PRRC2B: variants seen among roughly 807,000 people sequenced by gnomAD.
PRRC2B encodes protein PRRC2B.
In PRRC2B, 68 loss-of-function variants were observed where a neutral mutation model predicts 242.3. That is an observed-to-expected ratio of 0.28 (90% CI 0.23 to 0.34). PRRC2B has a LOEUF of 0.34. PRRC2B is among the 10% of genes least tolerant of loss of function. The probability of loss-of-function intolerance (pLI) is 1.00; values close to 1 mark genes in which losing one functional copy is unlikely to be tolerated. For synonymous variants in PRRC2B, 1,228 were observed against 1,173.6 expected (o/e 1.05, Z -0.95); for missense variants, 2,835 against 2,954.8 (o/e 0.96, Z 0.94).
chr9:131,491,813 C>T (rs1033501251), intron 29 of PRRC2B, among the ~76,000 whole-genome samples: 1 of 152,220 alleles, frequency 6.6e-6, no homozygotes, highest in Non-Finnish European at 1.5e-5. Flanking sequence ...CCAGGAGGCC[C>T]TGCTATGGAC....
At chr9:131,461,666 C>T (rs1303747913) in intron 11 of PRRC2B, among the ~76,000 whole-genome samples, 1 of 152,142 alleles carries the variant, frequency 6.6e-6, no homozygotes, top group Non-Finnish European at 1.5e-5. Context: ...CTCAGCCTCC[C>T]GAGTAGCGGG....
intron 1 of PRRC2B, among the ~76,000 whole-genome samples, chr9:131,375,746 C>T (rs555552283): frequency 3.6e-4 from 55 of 152,114 alleles, no homozygotes; most frequent in African/African-American, 1.2e-3. Context: ...GGATGAAATT[C>T]GGCTGGGCGC....
At chr9:131,429,288 AGT>A (rs1491057167) in intron 1 of PRRC2B, among the ~76,000 whole-genome samples, 1 of 152,190 alleles carries the variant, frequency 6.6e-6, no homozygotes, top group Non-Finnish European at 1.5e-5. Flanking sequence ...TGAGTGAGTG[AGT>A]GAGTGAACTG....
At chr9:131,389,983 C>T (rs1350490804), upstream of PRRC2B, among the ~76,000 whole-genome samples, 7 of 124,442 alleles carry the variant, frequency 5.6e-5, no homozygotes, top group South Asian at 2.8e-4. Flanking sequence ...AGTGCAGTGG[C>T]GATCTTGGCT....
intron 5 of PRRC2B, among the ~76,000 whole-genome samples, chr9:131,441,162 G>A (rs1458520332): frequency 1.3e-5 from 2 of 152,154 alleles, no homozygotes; most frequent in African/African-American, 2.4e-5. Context: ...TGTTGTATAT[G>A]CATGTTTTAA....
At chr9:131,420,497 T>TCTCTCTTTCTCTC (rs72209206) in intron 1 of PRRC2B, among the ~76,000 whole-genome samples, 1 of 16,460 alleles carries the variant, frequency 6.1e-5, no homozygotes, top group Non-Finnish European at 1.5e-4. Flanking sequence ...TTCTTTCTTT[T>TCTCTCTTTCTCTC]TTTTTTTTTT....
At chr9:131,378,006 T>A (rs763071672) in intron 1 of PRRC2B, among the ~76,000 whole-genome samples, 2 of 152,168 alleles carry the variant, frequency 1.3e-5, no homozygotes, top group Non-Finnish European at 1.5e-5. Context: ...TCTTCCTACC[T>A]TGGCCTTTCA....
At chr9:131,429,973 C>T (rs994715672) in intron 1 of PRRC2B, 121 bp from the exon 2 acceptor site, 2 of 602,136 alleles carry the variant, frequency 3.3e-6, no homozygotes, top group African/African-American at 3.7e-5. Context: ...ATCTTCAGAT[C>T]TTCAAGGAGA....
chr9:131,446,732 C>A lies in PRRC2B; in HGVS notation c.855+90C>A. ...AGTGGTTGAATGTCCCCCTTGGGGT[C>A]TCCTCTTGGCCCTGTTACCCTACTT... On this transcript the variant is annotated intron_variant, in intron 7 of 31. Coordinates refer to ENST00000683519, the MANE Select transcript of PRRC2B (RefSeq NM_013318.4). This position sits in a 1 kb window ranked among gnomAD's most constrained non-coding sequence, Gnocchi z 4.1. 1.4e-6 allele frequency: 2 copies of A among 1,439,530 alleles called. No individual in the cohort carries two copies. The highest frequency in any genetic ancestry group is 1.9e-6 in the Non-Finnish European group (2 of 1,050,122). The allele number at this position is 1,439,530 out of a possible 1,614,324, so 89.2% of individuals were successfully genotyped here.
At chr9:131,480,452 G>GC (rs1284766994) in intron 19 of PRRC2B, among the ~76,000 whole-genome samples, 1 of 151,934 alleles carries the variant, frequency 6.6e-6, no homozygotes, top group East Asian at 1.9e-4. Context: ...GATTGGTTGA[G>GC]CTGCCAGGTG....
Position 131,496,038 on chromosome 9 carries a change from G to C in PRRC2B, c.*164G>C. 1.1e-6 allele frequency: 1 copy of C among 950,128 alleles called. No homozygotes were observed. 58.9% of individuals were successfully genotyped at this position (950,128 alleles called of 1,614,324 possible). ...CTCCCGAAAGCTCCGTTGTCAACCA[G>C]CTTGCACCCGTGGATATATGGCATT... On this transcript the variant is annotated 3_prime_UTR_variant, in exon 32 of 32. Transcript: ENST00000683519.
chr9:131,464,973 G>T lies in PRRC2B; in HGVS notation c.1615G>T (p.Ala539Ser). Residue 539 changes from alanine (A) to serine (S), a missense_variant, in exon 12 of 32, where the codon GCA becomes TCA. Coordinates refer to ENST00000683519, the MANE Select transcript of PRRC2B (RefSeq NM_013318.4). ...LKQLDQKCKQ[A>S]RKAGEARKQA... ...GCAGCTGGACCAGAAGTGTAAGCAGGCACGAAAGGCAGGTGAGGCCCGGAA... is the reference window on the plus strand; with the variant it reads ...GCAGCTGGACCAGAAGTGTAAGCAGTCACGAAAGGCAGGTGAGGCCCGGAA... 6.2e-7 allele frequency: 1 copy of T among 1,614,002 alleles called. No individual in the cohort carries two copies. Among genetic ancestry groups the T allele is most frequent in the East Asian group, 2.2e-5 (1 of 44,878 alleles).
intron 28 of PRRC2B, among the ~76,000 whole-genome samples, chr9:131,489,312 G>A (rs1325091762): frequency 2.0e-5 from 3 of 150,624 alleles, no homozygotes; most frequent in Non-Finnish European, 1.5e-5. Flanking sequence ...TCAGCCTCCC[G>A]AGTAGCTGGG....
intron 14 of PRRC2B, among the ~76,000 whole-genome samples, chr9:131,471,965 A>G (rs1385785486): frequency 6.6e-6 from 1 of 152,174 alleles, no homozygotes; most frequent in African/African-American, 2.4e-5. Flanking sequence ...GGATTTGTCA[A>G]ATCTTCTTTG....
chr9:131,412,107 T>G (rs9645007), intron 1 of PRRC2B, among the ~76,000 whole-genome samples: 41,012 of 152,156 alleles, frequency 0.27, 7,062 homozygotes, highest in East Asian at 0.6. Context: ...GTACCTGGCC[T>G]GAATTTTTCT....
At position 131,495,946 on chromosome 9, in the gene PRRC2B, C is replaced by A; in HGVS notation, c.*72C>A. 1.3e-6 allele frequency: 2 copies of A among 1,562,446 alleles called. No individual in the cohort carries two copies. Among genetic ancestry groups the A allele is most frequent in the Non-Finnish European group, 1.7e-6 (2 of 1,149,482 alleles). On this transcript the variant is annotated 3_prime_UTR_variant, in exon 32 of 32. Transcript: ENST00000683519. ...CCATGCGGCCTCGACACAGCCGACACTCGGGAGCCTCACCAGATCCACCGT... is the reference window on the plus strand; with the variant it reads ...CCATGCGGCCTCGACACAGCCGACAATCGGGAGCCTCACCAGATCCACCGT...
chr9:131,471,967 T>C (rs1478147224), intron 14 of PRRC2B, among the ~76,000 whole-genome samples: 1 of 152,242 alleles, frequency 6.6e-6, no homozygotes, highest in African/African-American at 2.4e-5. Context: ...ATTTGTCAAA[T>C]CTTCTTTGGG....
rs1943769409 is a variant in PRRC2B, at chr9:131,478,546, T to C, written c.4685T>C (p.Phe1562Ser). The C allele has an allele frequency of 6.2e-7, 1 of 1,602,956 alleles. No individual in the cohort carries two copies. The highest frequency in any genetic ancestry group is 1.4e-5 in the African/African-American group (1 of 73,830). ...SEVGSMVGEG[F>S]IEVLTKKQRR... ...GTGGGTTCTATGGTGGGCGAAGGCTTCATCGAAGTCCTGACCAAGAAGCAG... is the reference window on the plus strand; with the variant it reads ...GTGGGTTCTATGGTGGGCGAAGGCTCCATCGAAGTCCTGACCAAGAAGCAG... Residue 1562 changes from phenylalanine (F) to serine (S), a missense_variant, in exon 18 of 32, where the codon TTC (phenylalanine) becomes TCC (serine). Coordinates refer to ENST00000683519, the MANE Select transcript of PRRC2B (RefSeq NM_013318.4).
At chr9:131,489,859 C>T (rs969690869) in intron 28 of PRRC2B, among the ~76,000 whole-genome samples, 1 of 152,152 alleles carries the variant, frequency 6.6e-6, no homozygotes, top group Non-Finnish European at 1.5e-5. Context: ...CCCCACACCC[C>T]TCGAACCACT....
Sources: gnomAD v4.1 joint callset for allele counts (sites outside exome capture counted in the v4.1 genomes callset) on GRCh38, gnomAD v4.1.1 for gene constraint, Gnocchi (gnomAD v3.1) non-coding constraint, MANE v1.5 for transcripts, NCBI Gene and HGNC (gene_info 2026-07-23, HGNC 2026-07-21) for gene names.